The following FNIP1 variants were observed in gnomAD, a reference collection of about 807,000 sequenced individuals.
FNIP1 encodes folliculin-interacting protein 1.
In FNIP1, 40 loss-of-function variants were observed where a neutral mutation model predicts 124.5. The ratio of observed to expected loss-of-function variants is 0.32; its 90% CI spans 0.25 to 0.42. The LOEUF (loss-of-function observed/expected upper bound fraction) is 0.42, where lower values mean the gene tolerates loss of function less well. FNIP1 is among the 10% of genes least tolerant of loss of function. The pLI, the probability that FNIP1 is intolerant of heterozygous loss-of-function variation, is 1.00. For synonymous variants in FNIP1, 472 were observed against 470.6 expected, an observed-to-expected ratio of 1.00 and a Z score of -0.04; for missense variants, 1,176 against 1,403.7, an observed-to-expected ratio of 0.84 and a Z score of 2.59.
intron 15 of FNIP1, among the ~76,000 whole-genome samples, chr5:131,661,218 TTTTGTGTGTGTG>T (rs1305110326): frequency 8.2e-4 from 9 of 10,952 alleles, no homozygotes; most frequent in Non-Finnish European, 1.0e-3. Flanking sequence ...CTTGTCTTTG[TTTTGTGTGTGTG>T]TGTGTGTGTG....
chr5:131,724,843 T>C (rs1580786772), intron 3 of FNIP1, among the ~76,000 whole-genome samples: 1 of 152,228 alleles, frequency 6.6e-6, no homozygotes, highest in Non-Finnish European at 1.5e-5. Context: ...GGTCTTACGT[T>C]TAAGTCTTTA....
In FNIP1 at chr5:131,750,622, T is replaced by TC. The variant is rs571585495; in HGVS notation, c.93-5933_93-5932insG. 3.3e-5 allele frequency among the ~76,000 whole-genome samples: 5 copies of TC among 151,796 alleles called. No individual in the cohort carries two copies. In the East Asian group the frequency reaches 9.7e-4, roughly 29 times the overall value. ...GTATATTCTTCCCTTCTTTCTTTTT[T>TC]TTTTTTTTTAGACAGAGTCTCTCTC... On this transcript the variant is annotated intron_variant, in intron 1 of 17. Coordinates refer to ENST00000510461, the MANE Select transcript of FNIP1 (RefSeq NM_133372.3).
At chr5:131,772,203 C>T (rs531607220) in intron 1 of FNIP1, among the ~76,000 whole-genome samples, 2 of 152,140 alleles carry the variant, frequency 1.3e-5, no homozygotes, top group East Asian at 1.9e-4. Flanking sequence ...AAAGGCCAAA[C>T]TGTAGGGATA....
chr5:131,660,460 T>C (rs558525128), intron 15 of FNIP1, among the ~76,000 whole-genome samples: 15 of 152,270 alleles, frequency 9.9e-5, no homozygotes, highest in African/African-American at 3.4e-4. Flanking sequence ...CCCACTCCTG[T>C]AGCCCCATCC....
chr5:131,771,901 C>G (rs561730410), intron 1 of FNIP1, among the ~76,000 whole-genome samples: 1 of 152,140 alleles, frequency 6.6e-6, no homozygotes, highest in Non-Finnish European at 1.5e-5. Context: ...CTATGACCTC[C>G]TTGCACTCTA....
chr5:131,775,588 C>T (rs1341193781), intron 1 of FNIP1, among the ~76,000 whole-genome samples: 15 of 144,656 alleles, frequency 1.0e-4, no homozygotes, highest in Admixed American at 2.8e-4. Context: ...AGTGAAGTGG[C>T]GCACTCTCGG....
chr5:131,719,496 TTC>T, intron 3 of FNIP1, 79 bp from the exon 4 acceptor site: 1 of 1,297,664 alleles, frequency 7.7e-7, no homozygotes, highest in Non-Finnish European at 1.1e-6. Flanking sequence ...TTATTAAAAA[TTC>T]TTGATATAGT....
intron 15 of FNIP1, among the ~76,000 whole-genome samples, chr5:131,660,785 C>T (rs1767405526): frequency 6.6e-6 from 1 of 152,190 alleles, no homozygotes; most frequent in South Asian, 2.1e-4. Flanking sequence ...TGGCTACCTG[C>T]CCACGGTGTG....
chr5:131,776,036 T>C (rs1237029060), intron 1 of FNIP1, among the ~76,000 whole-genome samples: 1 of 152,212 alleles, frequency 6.6e-6, no homozygotes, highest in Non-Finnish European at 1.5e-5. Flanking sequence ...CAATGCAAAA[T>C]AATGTATGCT....
intron 15 of FNIP1, among the ~76,000 whole-genome samples, chr5:131,669,424 A>G (rs1426005907): frequency 6.6e-6 from 1 of 152,188 alleles, no homozygotes. Context: ...AATGTCCATA[A>G]TAAAATATTG....
At chr5:131,661,218 TTTTGTGTGTG>T (rs1316457499) in intron 15 of FNIP1, among the ~76,000 whole-genome samples, 1 of 10,950 alleles carries the variant, frequency 9.1e-5, no homozygotes, top group Non-Finnish European at 3.3e-4. Flanking sequence ...CTTGTCTTTG[TTTTGTGTGTG>T]TGTGTGTGTG....
At chr5:131,664,703 A>G (rs1402551388) in intron 15 of FNIP1, among the ~76,000 whole-genome samples, 1 of 151,460 alleles carries the variant, frequency 6.6e-6, no homozygotes, top group East Asian at 1.9e-4. Context: ...AAAACCATGC[A>G]ATAATCCATA....
Position 131,693,144 on chromosome 5 carries a change from A to G in FNIP1, c.1202+5773T>C, listed in dbSNP as rs528022374. 3.7e-4 allele frequency among the ~76,000 whole-genome samples: 56 copies of G among 150,760 alleles called. 1 individual carries two copies. The South Asian group carries it at 0.011, about 31-fold the overall frequency. On this transcript the variant is annotated intron_variant, in intron 11 of 17. Coordinates refer to ENST00000510461, the MANE Select transcript of FNIP1 (RefSeq NM_133372.3). ...TTAAGTCTTTTAATGACAAAAAATG[A>G]TAATTACGTGAGGTAATAGATATGT...
At position 131,641,847 on chromosome 5, in the gene FNIP1, A is replaced by T. The variant is rs2149499233; in HGVS notation, c.*2838T>A. 6.5e-6 allele frequency: 1 copy of T among 152,932 alleles called. No homozygotes were observed. Among genetic ancestry groups the T allele is most frequent in the Non-Finnish European group, 1.5e-5 (1 of 68,038 alleles). 9.5% of individuals were successfully genotyped at this position (152,932 alleles called of 1,614,324 possible). A position where few individuals can be genotyped will look rare whatever the true frequency, so the allele number is the denominator to read the frequency against. On this transcript the variant is annotated 3_prime_UTR_variant, in exon 18 of 18. Coordinates refer to ENST00000510461, the MANE Select transcript of FNIP1 (RefSeq NM_133372.3). ...CATATCCAACATCTAAGTAACTTAGAAAAAGCAGAACAATCTCATAAGACA... is the reference window on the plus strand; with the variant it reads ...CATATCCAACATCTAAGTAACTTAGTAAAAGCAGAACAATCTCATAAGACA...
At chr5:131,672,980 G>C (rs946369272) in intron 13 of FNIP1, 56 bp from the exon 14 acceptor site, 27 of 1,257,730 alleles carry the variant, frequency 2.1e-5, no homozygotes, top group Non-Finnish European at 2.8e-5. Context: ...AGCTAAGTAA[G>C]CTATTTTTAA....
chr5:131,679,265 C>T, intron 11 of FNIP1, 90 bp from the exon 12 acceptor site: 1 of 770,764 alleles, frequency 1.3e-6, no homozygotes. Context: ...CAGCTTGGTC[C>T]TTACATCTAG....
In FNIP1 at chr5:131,672,564, T is replaced by C. The variant is rs780142478; in HGVS notation, c.1880A>G (p.Gln627Arg). The C allele has an allele frequency of 8.1e-6, 13 of 1,613,994 alleles. No homozygotes were observed. Among genetic ancestry groups the C allele is most frequent in the Non-Finnish European group, 9.3e-6 (11 of 1,180,034 alleles). ...LLGQNVENIS[Q>R]QEREDIQNSS... ...GTTTTGAATATCTTCTCTCTCTTGT[T>C]GTGAAATGTTCTCTACATTTTGCCC... Residue 627 changes from glutamine to arginine, a missense_variant, in exon 14 of 18, where the codon CAA becomes CGA. Physicochemically the swap from Gln to Arg is conservative, Grantham distance 43. This residue lies in a region of FNIP1 where 1,109 missense variants were observed against 1,288.5 expected (regional missense o/e 0.86). Coordinates refer to ENST00000510461, the MANE Select transcript of FNIP1 (RefSeq NM_133372.3).
chr5:131,737,133 T>C (rs560283320), intron 2 of FNIP1, among the ~76,000 whole-genome samples: 3 of 152,192 alleles, frequency 2.0e-5, no homozygotes, highest in Non-Finnish European at 4.4e-5. Context: ...TAATAAGAAA[T>C]TGAACCCTTT....
chr5:131,710,186 A>T (rs1769241235), intron 7 of FNIP1, among the ~76,000 whole-genome samples: 1 of 152,172 alleles, frequency 6.6e-6, no homozygotes, highest in African/African-American at 2.4e-5. Context: ...ACAAGATAGG[A>T]TAATTTTCTG....
Sources: gnomAD v4.1 joint callset for allele counts (sites outside exome capture counted in the v4.1 genomes callset) on GRCh38, gnomAD v4.1.1 for gene constraint, gnomAD v4.1.1 regional missense constraint, MANE v1.5 for transcripts, NCBI Gene and HGNC (gene_info 2026-07-23, HGNC 2026-07-21) for gene names.